TEAD4: variants seen among roughly 807,000 people sequenced by gnomAD.
The protein encoded by TEAD4 is TEA domain transcription factor 4.
In TEAD4, 36 loss-of-function variants were observed where a neutral mutation model predicts 52.4. The ratio of observed to expected loss-of-function variants is 0.69; its 90% CI spans 0.53 to 0.91. The LOEUF (loss-of-function observed/expected upper bound fraction) is 0.91. Among genes scored for constraint, TEAD4 ranks in the 40% least tolerant of loss-of-function variants. TEAD4 has a pLI of 0.00. For missense variants in TEAD4, 508 were observed against 583.9 expected, an observed-to-expected ratio of 0.87 and a Z score of 1.34; for synonymous variants, 220 against 231.0, an observed-to-expected ratio of 0.95 and a Z score of 0.43.
intron 2 of TEAD4, among the ~76,000 whole-genome samples, chr12:2,975,273 C>T (rs1339020894): frequency 6.6e-6 from 1 of 151,730 alleles, no homozygotes; most frequent in African/African-American, 2.4e-5. Flanking sequence ...TGCCCCGCCC[C>T]CAGTCAGTTT....
chr12:2,981,518 G>C (rs1268281971), intron 2 of TEAD4, among the ~76,000 whole-genome samples: 1 of 152,160 alleles, frequency 6.6e-6, no homozygotes, highest in Non-Finnish European at 1.5e-5. Flanking sequence ...CTTGTGCCCT[G>C]TACCTACCTC....
intron 3 of TEAD4, among the ~76,000 whole-genome samples, chr12:3,002,079 G>GC (rs2098252163): frequency 6.6e-6 from 1 of 152,184 alleles, no homozygotes; most frequent in Non-Finnish European, 1.5e-5. Flanking sequence ...ATGACAGAGT[G>GC]AGACTCCATC....
chr12:3,004,777 C>G (rs1027857477), intron 3 of TEAD4, among the ~76,000 whole-genome samples: 8 of 152,220 alleles, frequency 5.3e-5, no homozygotes, highest in Non-Finnish European at 8.8e-5. Flanking sequence ...ACAGGAGTGA[C>G]AGGCCACGGC....
intron 2 of TEAD4, among the ~76,000 whole-genome samples, chr12:2,961,164 A>T (rs998870800): frequency 2.0e-5 from 3 of 152,042 alleles, no homozygotes; most frequent in Non-Finnish European, 4.4e-5. Flanking sequence ...TTGTGTAAAT[A>T]GTGCTTTTAA....
At chr12:2,960,608 T>G (rs2098214496) in intron 2 of TEAD4, among the ~76,000 whole-genome samples, 2 of 152,026 alleles carry the variant, frequency 1.3e-5, no homozygotes, top group Non-Finnish European at 2.9e-5. Context: ...TCGCTTTGAG[T>G]CTCTGTGTGG....
intron 2 of TEAD4, among the ~76,000 whole-genome samples, chr12:2,960,889 G>A (rs1380712127): frequency 6.6e-6 from 1 of 152,210 alleles, no homozygotes; most frequent in Admixed American, 6.5e-5. Context: ...TTTGACTGTG[G>A]TTTTGGAGTG....
intron 4 of TEAD4, among the ~76,000 whole-genome samples, chr12:3,011,769 G>A (rs3782839): frequency 0.17 from 25,460 of 152,114 alleles, 3,970 homozygotes; most frequent in African/African-American, 0.4. Flanking sequence ...AGGTTCAAGC[G>A]ATTCTCCTAC....
intron 2 of TEAD4, among the ~76,000 whole-genome samples, chr12:2,970,265 T>C (rs1482871844): frequency 6.6e-6 from 1 of 152,240 alleles, no homozygotes; most frequent in African/African-American, 2.4e-5. Context: ...ACAACGTTTC[T>C]TGTGTTCAGT....
chr12:3,011,498 G>A (rs910763020), intron 4 of TEAD4, among the ~76,000 whole-genome samples: 1 of 148,874 alleles, frequency 6.7e-6, no homozygotes, highest in Non-Finnish European at 1.5e-5. Flanking sequence ...TCCCAAAGTG[G>A]TAGGATTATA....
At chr12:3,010,706 G>A (rs774374719) in intron 3 of TEAD4, among the ~76,000 whole-genome samples, 2 of 152,204 alleles carry the variant, frequency 1.3e-5, no homozygotes, top group South Asian at 2.1e-4. Context: ...GGTGAGGAAC[G>A]GTACCGGGGG....
At chr12:3,028,300 A>AT (rs1223699312) in intron 10 of TEAD4, among the ~76,000 whole-genome samples, 4 of 152,054 alleles carry the variant, frequency 2.6e-5, no homozygotes, top group Non-Finnish European at 5.9e-5. Context: ...GTGGACGTTC[A>AT]TTTTCATTTC....
chr12:3,028,540 C>G (rs1376982545), intron 10 of TEAD4, among the ~76,000 whole-genome samples: 1 of 152,184 alleles, frequency 6.6e-6, no homozygotes. Context: ...ATCTGCATTT[C>G]CCTGATGACT....
In TEAD4 at chr12:3,011,006, C is replaced by T. The variant is rs202176942; in HGVS notation, c.229C>T (p.Arg77Trp). ...AGAGGCTGCTGGTGTCTCTGCAGGT[C>T]GGAACGAGCTGATTGCCCGCTACAT... The change falls in exon 4 of 13, where the codon CGG becomes TGG. Residue 77 changes from arginine to tryptophan, a missense_variant and splice_region_variant. By Grantham distance (101) the Arg-to-Trp change is moderately radical. Transcript: ENST00000359864. 8.1e-6 allele frequency: 13 copies of T among 1,614,046 alleles called. No homozygotes were observed. The highest frequency in any genetic ancestry group is 4.5e-5 in the East Asian group (2 of 44,868).
intron 2 of TEAD4, among the ~76,000 whole-genome samples, chr12:2,968,878 ACTC>A (rs2098222787): frequency 6.6e-6 from 1 of 151,700 alleles, no homozygotes; most frequent in Non-Finnish European, 1.5e-5. Context: ...CTGGTCTTAA[ACTC>A]CTCGCCTCAA....
chr12:3,003,321 C>G (rs1431818384), intron 3 of TEAD4, among the ~76,000 whole-genome samples: 1 of 152,204 alleles, frequency 6.6e-6, no homozygotes, highest in Non-Finnish European at 1.5e-5. Context: ...GCTGACCTTG[C>G]TGGCCCTCTG....
chr12:2,969,851 C>T (rs952194683), intron 2 of TEAD4, among the ~76,000 whole-genome samples: 19 of 152,300 alleles, frequency 1.2e-4, no homozygotes, highest in African/African-American at 4.6e-4. Flanking sequence ...CCCACAACCC[C>T]AGAGAGCAGT....
At chr12:2,974,456 C>T (rs1227759228) in intron 2 of TEAD4, among the ~76,000 whole-genome samples, 5 of 152,222 alleles carry the variant, frequency 3.3e-5, no homozygotes, top group Admixed American at 1.3e-4. Flanking sequence ...TCATTCTAAC[C>T]CCGCCTGCTC....
At chr12:3,018,485 C>T (rs1338422486) in intron 6 of TEAD4, 60 bp from the exon 7 acceptor site, 35 of 1,606,804 alleles carry the variant, frequency 2.2e-5, no homozygotes, top group African/African-American at 8.0e-5. Context: ...CCCACCCCCA[C>T]ACCACAGGGC....
At chr12:3,034,316 AC>A (rs1424254276) in intron 10 of TEAD4, among the ~76,000 whole-genome samples, 18 of 152,046 alleles carry the variant, frequency 1.2e-4, no homozygotes, top group African/African-American at 4.3e-4. Context: ...CGCCTGAGGG[AC>A]CTTGCTCTTC....
Sources: gnomAD v4.1 joint callset for allele counts (sites outside exome capture counted in the v4.1 genomes callset) on GRCh38, gnomAD v4.1.1 for gene constraint, MANE v1.5 for transcripts, NCBI Gene and HGNC (gene_info 2026-07-23, HGNC 2026-07-21) for gene names.